Variants in ATP13A4 observed in about 807,000 individuals in gnomAD.
The protein encoded by ATP13A4 is probable cation-transporting ATPase 13A4.
In ATP13A4, 114 loss-of-function variants were observed where a neutral mutation model predicts 142.5. The ratio of observed to expected loss-of-function variants is 0.80; its 90% CI spans 0.69 to 0.93. The LOEUF is 0.93. Among genes scored for constraint, ATP13A4 ranks in the 40% least tolerant of loss-of-function variants. The pLI is 0.00. For synonymous variants in ATP13A4, 488 were observed against 514.8 expected (o/e 0.95, Z 0.70); for missense variants, 1,392 against 1,454.0 (o/e 0.96, Z 0.69).
chr3:193,466,283 AAC>A, intron 10 of ATP13A4, 101 bp from the exon 11 acceptor site: 1 of 1,405,258 alleles, frequency 7.1e-7, no homozygotes, highest in South Asian at 1.2e-5. Flanking sequence ...CTGATATTTG[AAC>A]AGTGTTTAAG....
rs187869732 is a variant in ATP13A4 at position 193,506,947 on chromosome 3, G to A, written c.235-4308C>T. On this transcript the variant is annotated intron_variant, in intron 2 of 29. Coordinates refer to ENST00000342695, the MANE Select transcript of ATP13A4 (RefSeq NM_032279.4). ...GGGTATGTCTTTATTAGCAGCGTGA[G>A]AACAGACTAACACATCTTGCTTAAC... 2.5e-3 allele frequency among the ~76,000 whole-genome samples: 381 copies of A among 152,248 alleles called. 4 individuals are homozygous for A. Among genetic ancestry groups the A allele is most frequent in the African/African-American group, 8.8e-3 (367 of 41,536 alleles).
chr3:193,447,407 T>C (rs1031722674), intron 18 of ATP13A4, among the ~76,000 whole-genome samples: 2 of 152,116 alleles, frequency 1.3e-5, no homozygotes, highest in Admixed American at 1.3e-4. Context: ...AACTGTAGAA[T>C]TGGGTTCAGG....
intron 2 of ATP13A4, among the ~76,000 whole-genome samples, chr3:193,571,459 C>A (rs1022311207): frequency 6.6e-6 from 1 of 152,064 alleles, no homozygotes; most frequent in African/African-American, 2.4e-5. Flanking sequence ...GTAGTGACTT[C>A]CTTCCACAGT....
At chr3:193,428,314 G>A (rs1715781322) in intron 25 of ATP13A4, among the ~76,000 whole-genome samples, 1 of 151,900 alleles carries the variant, frequency 6.6e-6, no homozygotes, top group South Asian at 2.1e-4. Flanking sequence ...AGGATGTGGA[G>A]AAACAGGAAC....
intron 2 of ATP13A4, among the ~76,000 whole-genome samples, chr3:193,511,743 A>G (rs898284677): frequency 6.6e-6 from 1 of 152,180 alleles, no homozygotes; most frequent in African/African-American, 2.4e-5. Context: ...AAGTACTAGG[A>G]CAAGAAATCA....
chr3:193,504,764 AG>A (rs536590734), intron 2 of ATP13A4, among the ~76,000 whole-genome samples: 85 of 152,334 alleles, frequency 5.6e-4, no homozygotes, highest in Non-Finnish European at 1.0e-3. Context: ...GTAGGTAAAT[AG>A]GAACACAAAT....
chr3:193,443,289 A>C (rs975402037), intron 18 of ATP13A4, among the ~76,000 whole-genome samples: 1 of 152,358 alleles, frequency 6.6e-6, no homozygotes, highest in Middle Eastern at 3.4e-3. Context: ...TCCCAAGTTC[A>C]GCCTAGAGCT....
At position 193,440,999 on chromosome 3, in the gene ATP13A4, CTA is replaced by C. The variant is rs201923335; in HGVS notation, c.2440-364_2440-363del. Reference sequence around the variant, plus strand: ...TGATCTATATATCTAAACTATCGATCTATCTCTCTCTCTCTCTCTATATATAT... The same window carrying C: ...TGATCTATATATCTAAACTATCGATCTCTCTCTCTCTCTCTCTATATATAT... On this transcript the variant is annotated intron_variant, in intron 20 of 29. Transcript: ENST00000342695. Among the ~76,000 whole-genome samples, 611 of 149,256 alleles carry C rather than the reference CTA, an allele frequency of 4.1e-3. 5 individuals are homozygous for C. The highest frequency in any genetic ancestry group is 0.012 in the East Asian group (57 of 4,952).
intron 1 of ATP13A4, among the ~76,000 whole-genome samples, chr3:193,516,344 C>T (rs917464005): frequency 6.6e-6 from 1 of 152,172 alleles, no homozygotes; most frequent in Non-Finnish European, 1.5e-5. Context: ...AGGCATTGTC[C>T]AAATTTGGCA....
rs1723821213 is a variant in ATP13A4 at position 193,554,871 on chromosome 3, A to C, written c.-72T>G. ...TTCCAGGATGAACTCCAACTCGCCG[A>C]GCCACCGCAGCTCCTCAGCTGACTA... On this transcript the variant is annotated 5_prime_UTR_variant, in exon 1 of 30. Coordinates refer to ENST00000342695, the MANE Select transcript of ATP13A4 (RefSeq NM_032279.4). The C allele has an allele frequency of 1.2e-6, 2 of 1,612,820 alleles. No individual in the cohort carries two copies. The highest frequency in any genetic ancestry group is 1.1e-5 in the South Asian group (1 of 91,028).
intron 2 of ATP13A4, among the ~76,000 whole-genome samples, chr3:193,562,763 CG>C (rs1724046790): frequency 6.6e-6 from 1 of 152,012 alleles, no homozygotes; most frequent in African/African-American, 2.4e-5. Flanking sequence ...CCCAGCTACT[CG>C]GGAGGCTGAG....
In ATP13A4 at chr3:193,404,001, G is replaced by A. The variant is rs897021724; in HGVS notation, c.3379-1137C>T. On this transcript the variant is annotated intron_variant, in intron 29 of 29. Transcript: ENST00000342695. ...TGAAAGGATAGAGAACAGCCAGTCT[G>A]CATTATTCCTGTGATAACTGACCAT... The A allele has an allele frequency of 7.1e-6, 7 of 985,278 alleles. No individual in the cohort carries two copies. In the African/African-American group the frequency reaches 1.0e-4, roughly 15 times the overall value. The allele number at this position is 985,278 out of a possible 1,614,324, so 61.0% of individuals were successfully genotyped here. A position where few individuals can be genotyped will look rare whatever the true frequency, so the allele number is the denominator to read the frequency against.
At chr3:193,491,268 C>A in intron 6 of ATP13A4, 61 bp downstream of exon 6, 4 of 1,286,974 alleles carry the variant, frequency 3.1e-6, no homozygotes, top group Non-Finnish European at 4.5e-6. Context: ...CTGATTATTT[C>A]ACTAGAGCCA....
intron 1 of ATP13A4, among the ~76,000 whole-genome samples, chr3:193,518,058 T>G (rs1237198628): frequency 2.0e-5 from 3 of 152,242 alleles, no homozygotes; most frequent in Non-Finnish European, 2.9e-5. Flanking sequence ...AACTTTAAAT[T>G]TGTCCCCCAG....
intron 14 of ATP13A4, among the ~76,000 whole-genome samples, chr3:193,457,976 C>A (rs1717734759): frequency 6.6e-6 from 1 of 152,154 alleles, no homozygotes; most frequent in South Asian, 2.1e-4. Context: ...TCAAAGGGAC[C>A]TTTTACCCAA....
chr3:193,527,299 G>A (rs1015144241), intron 1 of ATP13A4, among the ~76,000 whole-genome samples: 8 of 152,204 alleles, frequency 5.3e-5, no homozygotes, highest in Admixed American at 1.3e-4. Context: ...GAGATCTCAC[G>A]AGATCTGATG....
chr3:193,585,969 G>A (rs969749229), intron 1 of ATP13A4, among the ~76,000 whole-genome samples: 1 of 151,984 alleles, frequency 6.6e-6, no homozygotes, highest in Non-Finnish European at 1.5e-5. Context: ...TGACAGTTCT[G>A]GTTGCTCCAC....
At chr3:193,470,152 C>T (rs1025856033) in intron 9 of ATP13A4, among the ~76,000 whole-genome samples, 2 of 152,152 alleles carry the variant, frequency 1.3e-5, no homozygotes, top group Non-Finnish European at 2.9e-5. Context: ...TTTTATGATT[C>T]TTCTTTATCT....
intron 8 of ATP13A4, 53 bp downstream of exon 8, chr3:193,483,883 T>A (rs1719448789): frequency 1.5e-6 from 2 of 1,345,372 alleles, no homozygotes; most frequent in Non-Finnish European, 2.1e-6. Flanking sequence ...CAAATTTAAA[T>A]TCTTTTCTGA....
Sources: allele counts gnomAD v4.1 joint callset (sites outside exome capture counted in the v4.1 genomes callset), GRCh38; gene constraint gnomAD v4.1.1; transcripts MANE v1.5; gene names NCBI Gene and HGNC (gene_info 2026-07-23, HGNC 2026-07-21).